The following SLC39A11 variants were observed in gnomAD, a reference collection of about 807,000 sequenced individuals.
SLC39A11 encodes the protein solute carrier family 39 member 11.
Under a neutral mutation model 36.1 loss-of-function variants are expected in SLC39A11, and 33 were observed. The observed-to-expected ratio is 0.91, with a 90% confidence interval of 0.69 to 1.22. The LOEUF (loss-of-function observed/expected upper bound fraction) is 1.22, where lower values mean the gene tolerates loss of function less well. SLC39A11 is among the 50% of genes most tolerant of loss of function. The pLI is 0.00. For synonymous variants in SLC39A11, 166 were observed against 170.3 expected, an observed-to-expected ratio of 0.97 and a Z score of 0.20; for missense variants, 432 against 430.3, an observed-to-expected ratio of 1.00 and a Z score of -0.03.
chr17:73,054,733 G>T (rs932470507), intron 3 of SLC39A11, among the ~76,000 whole-genome samples: 6 of 150,616 alleles, frequency 4.0e-5, no homozygotes, highest in Non-Finnish European at 5.9e-5. Flanking sequence ...GCTTGAACCT[G>T]AGAGGCACAG....
At chr17:72,957,094 G>A (rs903278399) in intron 4 of SLC39A11, among the ~76,000 whole-genome samples, 2 of 152,118 alleles carry the variant, frequency 1.3e-5, no homozygotes, top group South Asian at 4.1e-4. Flanking sequence ...TCTTCCAGCA[G>A]ACTAGATGGA....
intron 7 of SLC39A11, among the ~76,000 whole-genome samples, chr17:72,670,266 G>C (rs890322115): frequency 6.6e-6 from 1 of 151,066 alleles, no homozygotes; most frequent in Non-Finnish European, 1.5e-5. Flanking sequence ...AGTTACTCAT[G>C]AGGCGGAGAC....
At chr17:72,790,272 A>G (rs1414774905) in intron 6 of SLC39A11, among the ~76,000 whole-genome samples, 1 of 152,160 alleles carries the variant, frequency 6.6e-6, no homozygotes, top group East Asian at 1.9e-4. Flanking sequence ...GTTGTGAGAA[A>G]GAATCCATCC....
chr17:72,724,400 C>T (rs2073837343), intron 7 of SLC39A11, among the ~76,000 whole-genome samples: 1 of 152,056 alleles, frequency 6.6e-6, no homozygotes, highest in Non-Finnish European at 1.5e-5. Flanking sequence ...ATGGGAGGGG[C>T]ACTTCTTGCA....
intron 9 of SLC39A11, among the ~76,000 whole-genome samples, chr17:72,648,191 G>C (rs552123988): frequency 6.6e-6 from 1 of 151,808 alleles, no homozygotes; most frequent in South Asian, 2.1e-4. Flanking sequence ...TTAGCTGGGC[G>C]TAGTGGTGGT....
chr17:73,066,872 G>C (rs534186077), intron 3 of SLC39A11, among the ~76,000 whole-genome samples: 11 of 152,210 alleles, frequency 7.2e-5, no homozygotes, highest in Admixed American at 3.9e-4. Flanking sequence ...CTTTATGCCA[G>C]ATTGAGTTAG....
chr17:72,796,469 A>G (rs1261176118), intron 6 of SLC39A11, among the ~76,000 whole-genome samples: 2 of 152,128 alleles, frequency 1.3e-5, no homozygotes, highest in African/African-American at 2.4e-5. Context: ...CTCCCCGTGG[A>G]GCTGGGCTTC....
At chr17:72,780,985 C>G (rs2076298438) in intron 6 of SLC39A11, among the ~76,000 whole-genome samples, 1 of 151,260 alleles carries the variant, frequency 6.6e-6, no homozygotes, top group Admixed American at 6.6e-5. Context: ...GTAATTCCAT[C>G]TCAAAAAAAG....
At chr17:72,711,913 T>C (rs1040116524) in intron 7 of SLC39A11, among the ~76,000 whole-genome samples, 4 of 152,202 alleles carry the variant, frequency 2.6e-5, no homozygotes, top group Admixed American at 1.3e-4. Flanking sequence ...GAAAAGAACC[T>C]TTCTCTGTCT....
chr17:72,947,791 C>A lies in SLC39A11; in HGVS notation c.391G>T (p.Ala131Ser). 1.2e-6 allele frequency: 2 copies of A among 1,614,134 alleles called. No individual in the cohort carries two copies. The highest frequency in any genetic ancestry group is 1.7e-6 in the Non-Finnish European group (2 of 1,180,042). ...MKKKSDPEGP[A>S]LLFPESELSI... ...AGTTCACTCTCAGGGAAGAGCAGCG[C>A]GGGACCCTCAGGATCAGACTTCTTC... Residue 131 changes from alanine (A) to serine (S), a missense_variant, in exon 5 of 10, where the codon GCG (alanine) becomes TCG (serine). By Grantham distance (99) the Ala-to-Ser change is moderately conservative (BLOSUM62 1). Transcript: ENST00000255559.
chr17:72,770,539 C>T (rs771212743), intron 6 of SLC39A11, among the ~76,000 whole-genome samples: 1 of 152,194 alleles, frequency 6.6e-6, no homozygotes, highest in Non-Finnish European at 1.5e-5. Flanking sequence ...TTCCTTCCCC[C>T]TCTCCTTTCA....
At chr17:73,032,110 C>A (rs1327776159) in intron 3 of SLC39A11, among the ~76,000 whole-genome samples, 1 of 152,090 alleles carries the variant, frequency 6.6e-6, no homozygotes, top group Non-Finnish European at 1.5e-5. Flanking sequence ...TGAGGCCAAG[C>A]ATGCTGGTAA....
At chr17:72,794,862 C>T (rs981685006) in intron 6 of SLC39A11, among the ~76,000 whole-genome samples, 3 of 152,186 alleles carry the variant, frequency 2.0e-5, no homozygotes, top group East Asian at 3.9e-4. Flanking sequence ...GACTATCTCA[C>T]ACTGTTTCTG....
intron 7 of SLC39A11, among the ~76,000 whole-genome samples, chr17:72,670,363 C>A (rs140434965): frequency 8.8e-4 from 124 of 141,632 alleles, no homozygotes; most frequent in African/African-American, 2.8e-3. Context: ...GAAGCCAGAC[C>A]CTGTCTCAAA....
chr17:72,890,915 T>A (rs2081706568), intron 5 of SLC39A11, among the ~76,000 whole-genome samples: 1 of 152,124 alleles, frequency 6.6e-6, no homozygotes, highest in Non-Finnish European at 1.5e-5. Context: ...GATTAAGCAC[T>A]GCAAATATAC....
intron 3 of SLC39A11, among the ~76,000 whole-genome samples, chr17:73,078,662 T>C (rs1054967834): frequency 6.6e-6 from 1 of 151,848 alleles, no homozygotes; most frequent in African/African-American, 2.4e-5. Flanking sequence ...AATTTTTGTT[T>C]TTTGTCTTTT....
intron 4 of SLC39A11, among the ~76,000 whole-genome samples, chr17:73,004,299 A>G (rs12941998): frequency 0.15 from 21,905 of 150,886 alleles, 2,133 homozygotes; most frequent in Middle Eastern, 0.25. Context: ...TATTTCTCAT[A>G]GTTCTGGAGG....
rs956103961 is a variant in SLC39A11, at chr17:73,025,983, T to C, written c.306+5573A>G. ...AAACACAAAAATTAGCCAGGTGCGG[T>C]GGCAGGTGCCTGTAATCCCAGCTAC... On this transcript the variant is annotated intron_variant, in intron 4 of 9. Coordinates refer to ENST00000255559, the MANE Select transcript of SLC39A11 (RefSeq NM_139177.4). Among the ~76,000 whole-genome samples the C allele has an allele frequency of 2.0e-5, 3 of 151,052 alleles. No homozygotes were observed. The South Asian group carries it at 6.2e-4, about 31-fold the overall frequency.
intron 7 of SLC39A11, among the ~76,000 whole-genome samples, chr17:72,677,416 C>T (rs1452067915): frequency 1.3e-5 from 2 of 152,160 alleles, no homozygotes; most frequent in Non-Finnish European, 2.9e-5. Context: ...CCACTCCTTT[C>T]GGGTCAGGAG....
Sources: gnomAD v4.1 joint callset for allele counts (sites outside exome capture counted in the v4.1 genomes callset) on GRCh38, gnomAD v4.1.1 for gene constraint, MANE v1.5 for transcripts, NCBI Gene and HGNC (gene_info 2026-07-23, HGNC 2026-07-21) for gene names.